TBCD: variants seen among roughly 807,000 people sequenced by gnomAD.
TBCD encodes tubulin folding cofactor D.
TBCD carries 105 observed loss-of-function variants against 169.3 expected under a neutral mutation model. The observed-to-expected ratio is 0.62, with a 90% CI of 0.53 to 0.73. The LOEUF (loss-of-function observed/expected upper bound fraction) is 0.73. TBCD is among the 30% of genes least tolerant of loss of function. TBCD has a pLI of 0.00. For missense variants in TBCD, 1,444 were observed against 1,600.1 expected, an observed-to-expected ratio of 0.90 and a Z score of 1.66; for synonymous variants, 700 against 643.9, an observed-to-expected ratio of 1.09 and a Z score of -1.32.
At chr17:82,819,745 A>G (rs915936500) in intron 13 of TBCD, among the ~76,000 whole-genome samples, 1 of 152,078 alleles carries the variant, frequency 6.6e-6, no homozygotes, top group Admixed American at 6.6e-5. Context: ...TTAAAGGGCT[A>G]CTTGGTCTTT....
rs2061341094 is a variant in TBCD at position 82,920,342 on chromosome 17, TC to T, written c.2039-213del. 3.3e-6 allele frequency: 2 copies of T among 598,264 alleles called. No homozygotes were observed. The highest frequency in any genetic ancestry group is 5.6e-5 in the East Asian group (2 of 35,658). 37.1% of individuals were successfully genotyped at this position (598,264 alleles called of 1,614,324 possible). ...CCACGTGGCTGGGTCTGCAGCACTT[TC>T]TTCAGGCTGCTCAGCGGAGGAGGCG... On this transcript the variant is annotated intron_variant, in intron 23 of 38. Transcript: ENST00000355528. This position sits in a 1 kb window ranked among gnomAD's most constrained non-coding sequence, Gnocchi z 4.1.
chr17:82,865,516 T>C, intron 13 of TBCD: 1 of 985,316 alleles, frequency 1.0e-6, no homozygotes. Context: ...TCGTGGAGGG[T>C]GTGGCGGGCT....
chr17:82,863,732 CA>C (rs1270388663), intron 13 of TBCD, among the ~76,000 whole-genome samples: 1 of 152,186 alleles, frequency 6.6e-6, no homozygotes, highest in African/African-American at 2.4e-5. Flanking sequence ...CGGGAAGCAG[CA>C]GTTGGCTCCT....
rs948688283 is a variant in TBCD, at chr17:82,889,550, T to G, written c.1534-118T>G. ...GCTCTGTTCAGCCAACAATGAGGGC[T>G]TTTATTTAAAAAATAAAGCCGTGGG... On this transcript the variant is annotated intron_variant, in intron 15 of 38. Coordinates refer to ENST00000355528, the MANE Select transcript of TBCD (RefSeq NM_005993.5). The surrounding 1 kb of genome is among the most constrained non-coding windows in gnomAD (Gnocchi z 5.3). The G allele has an allele frequency of 2.5e-5, 31 of 1,262,874 alleles. No individual in the cohort carries two copies. In the Middle Eastern group the frequency reaches 1.3e-3, roughly 52 times the overall value. The allele number at this position is 1,262,874 out of a possible 1,614,324, so 78.2% of individuals were successfully genotyped here. A position where few individuals can be genotyped will look rare whatever the true frequency, so the allele number is the denominator to read the frequency against.
chr17:82,791,416 A>G (rs527649588), intron 7 of TBCD, among the ~76,000 whole-genome samples: 145 of 152,134 alleles, frequency 9.5e-4, no homozygotes, highest in African/African-American at 2.9e-3. Flanking sequence ...CTTTTCTAGC[A>G]TCTTACCTCT....
In TBCD at chr17:82,924,924, G is replaced by A. The variant is rs767025131; in HGVS notation, c.2261-15G>A. 28 of 1,552,012 alleles carry A rather than the reference G, an allele frequency of 1.8e-5. No individual in the cohort carries two copies. The highest frequency in any genetic ancestry group is 7.3e-5 in the East Asian group (3 of 41,142). Reference sequence around the variant, plus strand: ...CAGCAGAGGGCCTCTCTTCACACTCGTTGCTTCCTTTCAGAGGAGCTGATC... The same window carrying A: ...CAGCAGAGGGCCTCTCTTCACACTCATTGCTTCCTTTCAGAGGAGCTGATC... On this transcript the variant is annotated splice_polypyrimidine_tract_variant and intron_variant, in intron 26 of 38. Transcript: ENST00000355528.
intron 13 of TBCD, among the ~76,000 whole-genome samples, chr17:82,848,125 G>A (rs981449250): frequency 2.6e-5 from 4 of 152,186 alleles, no homozygotes; most frequent in Non-Finnish European, 5.9e-5. Context: ...CAGTTTCTGG[G>A]TGTGTGGCCT....
At chr17:82,902,377 G>A (rs567944845) in intron 18 of TBCD, among the ~76,000 whole-genome samples, 12 of 152,340 alleles carry the variant, frequency 7.9e-5, no homozygotes, top group Non-Finnish European at 1.3e-4. Context: ...GTCCTTACGC[G>A]AAGAGGCCTC....
chr17:82,813,306 G>T (rs565133707), intron 12 of TBCD, among the ~76,000 whole-genome samples: 1 of 151,558 alleles, frequency 6.6e-6, no homozygotes, highest in East Asian at 1.9e-4. Flanking sequence ...CCGCTCATCC[G>T]CCCACTCATA....
chr17:82,913,126 CAT>C (rs911575116), intron 23 of TBCD: 1 of 152,386 alleles, frequency 6.6e-6, no homozygotes, highest in African/African-American at 2.4e-5. Flanking sequence ...CCATCCCCCA[CAT>C]GTCATGGACA....
chr17:82,798,664 G>T (rs2050281438), intron 8 of TBCD, among the ~76,000 whole-genome samples: 1 of 152,208 alleles, frequency 6.6e-6, no homozygotes, highest in African/African-American at 2.4e-5. Flanking sequence ...CATGATCTGA[G>T]GTTGGACCTG....
At chr17:82,871,498 TA>T (rs1333436535) in intron 14 of TBCD, among the ~76,000 whole-genome samples, 5 of 152,212 alleles carry the variant, frequency 3.3e-5, no homozygotes, top group Non-Finnish European at 7.4e-5. Flanking sequence ...GAAAATGAAC[TA>T]GGGAAACTGA....
intron 13 of TBCD, among the ~76,000 whole-genome samples, chr17:82,850,266 T>TGCTGC (rs2055640688): frequency 8.4e-6 from 1 of 118,972 alleles, no homozygotes; most frequent in Non-Finnish European, 1.8e-5. Context: ...GGCTGTGTTG[T>TGCTGC]TGTTGGCTGT....
At chr17:82,940,211 TTGCA>T (rs79249212) in intron 37 of TBCD, among the ~76,000 whole-genome samples, 46,269 of 115,796 alleles carry the variant, frequency 0.4, 7,853 homozygotes, top group South Asian at 0.61. Flanking sequence ...ACATGCTCAC[TTGCA>T]CGCGCGCACA....
intron 2 of TBCD, among the ~76,000 whole-genome samples, chr17:82,757,320 T>C (rs553596292): frequency 1.4e-4 from 21 of 152,276 alleles, no homozygotes; most frequent in African/African-American, 4.1e-4. Context: ...TGTTTTTTTT[T>C]CTTCAAATAA....
intron 13 of TBCD, among the ~76,000 whole-genome samples, chr17:82,849,196 C>T (rs1260186034): frequency 1.6e-5 from 2 of 124,066 alleles, no homozygotes; most frequent in Non-Finnish European, 3.2e-5. Flanking sequence ...CTTCTCACCT[C>T]GATGTCCCCC....
At chr17:82,828,948 C>G (rs1465032932) in intron 13 of TBCD, among the ~76,000 whole-genome samples, 2 of 149,010 alleles carry the variant, frequency 1.3e-5, no homozygotes, top group Non-Finnish European at 3.0e-5. Flanking sequence ...ATGCCCCCCA[C>G]GGATATGCAC....
In TBCD at chr17:82,865,538, G is replaced by A. The variant is rs555885421; in HGVS notation, c.1319-4686G>A. The A allele has an allele frequency of 1.5e-5, 15 of 985,448 alleles. No individual in the cohort carries two copies. In the East Asian group the frequency reaches 1.4e-3, roughly 89 times the overall value. The allele number at this position is 985,448 out of a possible 1,614,324, so 61.0% of individuals were successfully genotyped here. A position where few individuals can be genotyped will look rare whatever the true frequency, so the allele number is the denominator to read the frequency against. On this transcript the variant is annotated intron_variant, in intron 13 of 38. Coordinates refer to ENST00000355528, the MANE Select transcript of TBCD (RefSeq NM_005993.5). Reference sequence around the variant, plus strand: ...GGGTGTGGCGGGCTGTCTGTGCCGCGGGGGTACTCGGCTGCACTGTGCACA... The same window carrying A: ...GGGTGTGGCGGGCTGTCTGTGCCGCAGGGGTACTCGGCTGCACTGTGCACA...
chr17:82,804,074 T>G, intron 9 of TBCD, among the ~76,000 whole-genome samples: 1 of 117,192 alleles, frequency 8.5e-6, no homozygotes, highest in Non-Finnish European at 1.7e-5. Context: ...CCTGTAGAGT[T>G]TAGGGGAGAG....
Sources: gnomAD v4.1 joint callset for allele counts (sites outside exome capture counted in the v4.1 genomes callset) on GRCh38, gnomAD v4.1.1 for gene constraint, Gnocchi (gnomAD v3.1) non-coding constraint, MANE v1.5 for transcripts, NCBI Gene and HGNC (gene_info 2026-07-23, HGNC 2026-07-21) for gene names.